The following SLC4A4 variants were observed in gnomAD, a reference collection of about 807,000 sequenced individuals.
SLC4A4 encodes the protein solute carrier family 4 member 4.
In SLC4A4, 27 loss-of-function variants were observed where a neutral mutation model predicts 111.5. The observed-to-expected ratio is 0.24, with a 90% CI of 0.18 to 0.33. The LOEUF is 0.33. SLC4A4 is among the 10% of genes least tolerant of loss of function. The pLI, the probability that SLC4A4 is intolerant of heterozygous loss-of-function variation, is 1.00. For synonymous variants in SLC4A4, 443 were observed against 463.4 expected, an observed-to-expected ratio of 0.96 and a Z score of 0.57; for missense variants, 909 against 1,315.5, an observed-to-expected ratio of 0.69 and a Z score of 4.78.
chr4:71,472,054 C>T (rs945813357), intron 13 of SLC4A4, among the ~76,000 whole-genome samples: 2 of 151,864 alleles, frequency 1.3e-5, no homozygotes, highest in African/African-American at 4.8e-5. Context: ...GCATTACAGG[C>T]CATCTTGTGC....
intron 1 of SLC4A4, chr4:71,236,240 T>TTC (rs1313780967): frequency 1.0e-5 from 11 of 1,084,766 alleles, no homozygotes; most frequent in Non-Finnish European, 1.2e-5. Context: ...TGGTATTTTT[T>TTC]TTTTTTTTTT....
At chr4:71,122,916 A>G (rs1743474069) in intron 2 of SLC4A4, among the ~76,000 whole-genome samples, 1 of 152,222 alleles carries the variant, frequency 6.6e-6, no homozygotes, top group East Asian at 1.9e-4. Context: ...CTTAAGGGAG[A>G]AATAAATCCA....
At position 71,335,864 on chromosome 4, in the gene SLC4A4, T is replaced by C. The variant is rs148844726; in HGVS notation, c.254-3506T>C. Among the ~76,000 whole-genome samples the C allele has an allele frequency of 1.6e-4, 25 of 152,252 alleles. 1 individual carries two copies. In the East Asian group the frequency reaches 3.9e-3, roughly 24 times the overall value. Reference sequence around the variant, plus strand: ...TTTCTAATCACAAAGTAAAACATATTCATTGTACCTTGTATCAGTATGTAC... The same window carrying C: ...TTTCTAATCACAAAGTAAAACATATCCATTGTACCTTGTATCAGTATGTAC... On this transcript the variant is annotated intron_variant, in intron 3 of 25. Transcript: ENST00000264485.
In SLC4A4 at chr4:71,190,628, A is replaced by T. The variant is rs569344847; in HGVS notation, c.-2+3227A>T. 4.6e-4 allele frequency among the ~76,000 whole-genome samples: 70 copies of T among 152,272 alleles called. 1 individual carries two copies. Among genetic ancestry groups the T allele is most frequent in the African/African-American group, 1.7e-3 (69 of 41,572 alleles). ...ATACTCTGGAGGCTGAGTTGGGAGG[A>T]TCACTTAAGCATAGGAGTTCGAGGC... On this transcript the variant is annotated intron_variant, in intron 1 of 25. Transcript: ENST00000264485.
intron 6 of SLC4A4, among the ~76,000 whole-genome samples, chr4:71,389,010 A>G (rs1719019078): frequency 6.6e-6 from 1 of 152,204 alleles, no homozygotes; most frequent in African/African-American, 2.4e-5. Context: ...TATTAGACCT[A>G]ACACTGAATC....
intron 7 of SLC4A4, among the ~76,000 whole-genome samples, chr4:71,404,931 G>C (rs934070737): frequency 2.0e-5 from 3 of 151,892 alleles, no homozygotes; most frequent in Admixed American, 2.0e-4. Flanking sequence ...GAATAGTGGG[G>C]ACTACAGGTG....
At chr4:71,444,350 A>G (rs1035641368) in intron 8 of SLC4A4, among the ~76,000 whole-genome samples, 1 of 152,190 alleles carries the variant, frequency 6.6e-6, no homozygotes, top group Non-Finnish European at 1.5e-5. Flanking sequence ...AAAACTCAGA[A>G]AAGTAGAAAA....
At chr4:71,230,900 C>A (rs1325359219) in intron 1 of SLC4A4, among the ~76,000 whole-genome samples, 1 of 152,006 alleles carries the variant, frequency 6.6e-6, no homozygotes, top group Non-Finnish European at 1.5e-5. Flanking sequence ...CTACAGTTTA[C>A]AAAGTAGCTG....
chr4:71,101,567 G>A (rs548888702), intron 2 of SLC4A4, among the ~76,000 whole-genome samples: 1 of 152,296 alleles, frequency 6.6e-6, no homozygotes, highest in African/African-American at 2.4e-5. Context: ...CACACAGCTG[G>A]AGATCTGAGA....
intron 12 of SLC4A4, among the ~76,000 whole-genome samples, chr4:71,458,214 T>G (rs1384270913): frequency 6.6e-6 from 1 of 152,086 alleles, no homozygotes; most frequent in African/African-American, 2.4e-5. Flanking sequence ...GGTTGTTCAT[T>G]CAAAGTACTG....
chr4:71,142,188 G>A (rs546776086), intron 2 of SLC4A4, among the ~76,000 whole-genome samples: 4 of 152,312 alleles, frequency 2.6e-5, no homozygotes, highest in Admixed American at 1.3e-4. Context: ...GATATTTTGC[G>A]GTGAGCAGTA....
At chr4:71,446,862 C>T (rs1371493094) in intron 8 of SLC4A4, among the ~76,000 whole-genome samples, 1 of 152,210 alleles carries the variant, frequency 6.6e-6, no homozygotes, top group Non-Finnish European at 1.5e-5. Context: ...ATCCACAGTG[C>T]CAACATGCCA....
intron 6 of SLC4A4, among the ~76,000 whole-genome samples, chr4:71,362,422 T>C (rs1382540894): frequency 6.6e-6 from 1 of 152,216 alleles, no homozygotes; most frequent in Non-Finnish European, 1.5e-5. Context: ...GTATAAAATG[T>C]TTAGAGTGGT....
chr4:71,550,425 T>G (rs574591088), intron 20 of SLC4A4, among the ~76,000 whole-genome samples: 1 of 152,016 alleles, frequency 6.6e-6, no homozygotes, highest in South Asian at 2.1e-4. Flanking sequence ...AAGCAGATAT[T>G]GAGGGTACAG....
intron 2 of SLC4A4, among the ~76,000 whole-genome samples, chr4:71,170,564 T>C (rs1744906317): frequency 6.6e-6 from 1 of 152,224 alleles, no homozygotes; most frequent in African/African-American, 2.4e-5. Context: ...CTTGTAAACA[T>C]TATTAACTTC....
chr4:71,546,295 C>G, intron 18 of SLC4A4, 55 bp from the exon 19 acceptor site: 1 of 1,441,582 alleles, frequency 6.9e-7, no homozygotes, highest in Non-Finnish European at 9.8e-7. Flanking sequence ...GGAAATATGA[C>G]TAGATAGCGA....
chr4:71,160,017 G>A (rs1364620968), intron 2 of SLC4A4, among the ~76,000 whole-genome samples: 1 of 152,082 alleles, frequency 6.6e-6, no homozygotes, highest in Non-Finnish European at 1.5e-5. Flanking sequence ...AACATTTATT[G>A]AATGCTTACT....
At chr4:71,446,179 A>G (rs1725208854) in intron 8 of SLC4A4, among the ~76,000 whole-genome samples, 1 of 140,872 alleles carries the variant, frequency 7.1e-6, no homozygotes, top group Admixed American at 7.6e-5. Flanking sequence ...GTTGAATTTT[A>G]TGATAAAAAA....
chr4:71,555,355 C>A, intron 21 of SLC4A4, 147 bp downstream of exon 21: 1 of 722,536 alleles, frequency 1.4e-6, no homozygotes, highest in African/African-American at 1.7e-5. Context: ...CATTCACCTG[C>A]TTTTCATTTC....
Sources: allele counts gnomAD v4.1 joint callset (sites outside exome capture counted in the v4.1 genomes callset), GRCh38; gene constraint gnomAD v4.1.1; transcripts MANE v1.5; gene names NCBI Gene and HGNC (gene_info 2026-07-23, HGNC 2026-07-21).